Variants in MADD observed in about 807,000 individuals in gnomAD.
The protein encoded by MADD is MAP kinase-activating death domain protein.
A neutral mutation model predicts 176.7 loss-of-function variants in MADD; 109 were observed. The observed-to-expected ratio is 0.62, with a 90% CI of 0.53 to 0.72. The LOEUF (loss-of-function observed/expected upper bound fraction) is 0.72. Among genes scored for constraint, MADD ranks in the 30% least tolerant of loss-of-function variants. MADD has a pLI of 0.00. For synonymous variants in MADD, 771 were observed against 771.3 expected (o/e 1.00, Z 0.01); for missense variants, 1,914 against 2,045.5 (o/e 0.94, Z 1.24).
Position 47,290,018 on chromosome 11 carries a change from G to T in MADD, c.2908G>T (p.Glu970Ter), listed in dbSNP as rs754144467. Residue 970 changes from glutamate to a stop codon, truncating the protein, a stop_gained, in exon 17 of 33, where the codon GAG becomes TAG. Transcript: ENST00000402192. LOFTEE classifies it high-confidence loss of function. The stretch of plus-strand genomic sequence containing the variant: ...CAAGCTGAACCGCATGGTGCAGTCA[G>T]AGGACGATGCCCGGCAGGACATCAT... The T allele has an allele frequency of 1.2e-6, 2 of 1,614,198 alleles. No homozygotes were observed. Among genetic ancestry groups the T allele is most frequent in the Non-Finnish European group, 1.7e-6 (2 of 1,180,032 alleles).
intron 14 of MADD, 92 bp downstream of exon 14, chr11:47,285,682 G>T (rs973600641): frequency 6.4e-7 from 1 of 1,557,548 alleles, no homozygotes; most frequent in Non-Finnish European, 8.8e-7. Context: ...AACTTCACAT[G>T]TAGGGCTAGG....
chr11:47,279,440 A>G (rs2054113007), intron 7 of MADD, among the ~76,000 whole-genome samples: 2 of 137,698 alleles, frequency 1.5e-5, no homozygotes, highest in Non-Finnish European at 3.0e-5. Flanking sequence ...GCTGGAGTGC[A>G]GTGGCGCGAT....
In MADD at chr11:47,289,955, C is replaced by G. The variant is rs894502065; in HGVS notation, c.2845C>G (p.Leu949Val). The change falls in exon 17 of 33, where the codon CTG (leucine) becomes GTG (valine). Residue 949 changes from leucine (L) to valine (V), a missense_variant. By Grantham distance (32) the Leu-to-Val change is conservative (BLOSUM62 1). This residue lies in a region of MADD where 1,767 missense variants were observed against 1,836.0 expected (regional missense o/e 0.96). Coordinates refer to ENST00000402192, the Ensembl canonical transcript of MADD. ...GCTCAACATGAAAAAGGTGCGCCGG[C>G]TGCTGGAGAGCGAGCAGCTGCGAGT... 2.5e-6 allele frequency: 4 copies of G among 1,614,170 alleles called. No individual in the cohort carries two copies. In the East Asian group the frequency reaches 6.7e-5, roughly 27 times the overall value.
At chr11:47,289,814 G>A in intron 16 of MADD, 53 bp from the exon 18 acceptor site, 1 of 1,590,652 alleles carries the variant, frequency 6.3e-7, no homozygotes, top group African/African-American at 1.3e-5. Flanking sequence ...GAAAGGTGGG[G>A]GGTGCTCTGC....
chr11:47,315,590 A>G (rs988534233), intron 27 of MADD, among the ~76,000 whole-genome samples: 2 of 143,624 alleles, frequency 1.4e-5, no homozygotes, highest in African/African-American at 5.2e-5. Flanking sequence ...TTCTCCTGCC[A>G]CAGCCTCCCA....
chr11:47,290,245 A>G (rs779978837), exon 18 of MADD: 1 of 1,614,052 alleles, frequency 6.2e-7, no homozygotes, highest in Non-Finnish European at 8.5e-7. Context: ...TCTGGGTGGC[A>G]TGGCCAGCAT....
At chr11:47,283,179 C>T (rs993436565) in intron 10 of MADD, among the ~76,000 whole-genome samples, 13 of 152,170 alleles carry the variant, frequency 8.5e-5, no homozygotes, top group Middle Eastern at 3.2e-3. Flanking sequence ...CTGCCAGCTC[C>T]GCCTCCCGGC....
At chr11:47,326,519 C>A in intron 30 of MADD, 25 bp from the exon 34 acceptor site, 1 of 1,367,118 alleles carries the variant, frequency 7.3e-7, no homozygotes, top group South Asian at 1.9e-5. Context: ...CTTCATTTCT[C>A]TCCCATGCTT....
At chr11:47,292,383 T>A (rs1298357604) in intron 19 of MADD, 160 bp from the exon 21 acceptor site, 1 of 699,038 alleles carries the variant, frequency 1.4e-6, no homozygotes, top group Non-Finnish European at 2.6e-6. Flanking sequence ...AGATCTCTTG[T>A]TTTCTGCCCC....
At chr11:47,320,881 A>G (rs905760002) in intron 27 of MADD, among the ~76,000 whole-genome samples, 1 of 152,086 alleles carries the variant, frequency 6.6e-6, no homozygotes, top group African/African-American at 2.4e-5. Context: ...TGATTACACC[A>G]CTTCAGTCCA....
chr11:47,295,421 A>C, intron 20 of MADD, 75 bp from the exon 23 acceptor site: 2 of 1,241,744 alleles, frequency 1.6e-6, no homozygotes, highest in Non-Finnish European at 2.4e-6. Context: ...AGGAGAAAGA[A>C]AAAGGTACAG....
chr11:47,312,743 T>C (rs1267684523), intron 26 of MADD, among the ~76,000 whole-genome samples: 1 of 152,210 alleles, frequency 6.6e-6, no homozygotes, highest in Non-Finnish European at 1.5e-5. Context: ...CTTACACTCT[T>C]AGTTTTTTAA....
Position 47,301,637 on chromosome 11 carries a change from C to T in MADD, c.3642+5582C>T, listed in dbSNP as rs186591086. 2.2e-4 allele frequency among the ~76,000 whole-genome samples: 34 copies of T among 152,128 alleles called. No homozygotes were observed. The East Asian group carries it at 6.2e-3, about 28-fold the overall frequency. ...TTTTGGTATGCTGTGTTTTTATGTT[C>T]ATTTGTGTGAAGAAATTTTTAAATT... On this transcript the variant is annotated intron_variant, in intron 22 of 32. Transcript: ENST00000402192.
chr11:47,274,479 T>G, intron 2 of MADD, 84 bp from the exon 3 acceptor site: 518 of 1,119,460 alleles, frequency 4.6e-4, no homozygotes, highest in Non-Finnish European at 6.2e-4. Flanking sequence ...AATAGCATCT[T>G]GAGCTTTATT....
chr11:47,294,669 C>CAAA (rs58253961), intron 20 of MADD, among the ~76,000 whole-genome samples: 39 of 55,908 alleles, frequency 7.0e-4, no homozygotes, highest in East Asian at 9.4e-4. Flanking sequence ...GACTCCGTCT[C>CAAA]AAAAAAAAAA....
At chr11:47,296,744 G>A (rs751338414) in intron 22 of MADD, among the ~76,000 whole-genome samples, 15 of 150,056 alleles carry the variant, frequency 1.0e-4, no homozygotes, top group Non-Finnish European at 1.9e-4. Flanking sequence ...AGTCCTTGCC[G>A]TAGACATCTG....
At chr11:47,312,030 T>C (rs748840369) in intron 26 of MADD, among the ~76,000 whole-genome samples, 188 bp downstream of exon 29, 1 of 152,224 alleles carries the variant, frequency 6.6e-6, no homozygotes, top group Non-Finnish European at 1.5e-5. Flanking sequence ...TTTTGATGTG[T>C]GGTCTGTGAA....
chr11:47,291,101 C>T (rs750555305), intron 19 of MADD, among the ~76,000 whole-genome samples: 13 of 152,098 alleles, frequency 8.5e-5, no homozygotes, highest in South Asian at 2.1e-4. Context: ...CCTGGCCCCT[C>T]CTTTTATTTA....
chr11:47,297,980 G>T (rs1306599951), intron 22 of MADD, among the ~76,000 whole-genome samples: 1 of 151,218 alleles, frequency 6.6e-6, no homozygotes, highest in Non-Finnish European at 1.5e-5. Flanking sequence ...AGGAGAGATG[G>T]GGTTTCACCG....
Sources: gnomAD v4.1 joint callset for allele counts (sites outside exome capture counted in the v4.1 genomes callset) on GRCh38, gnomAD v4.1.1 for gene constraint, gnomAD v4.1.1 regional missense constraint, MANE v1.5 for transcripts, NCBI Gene and HGNC (gene_info 2026-07-23, HGNC 2026-07-21) for gene names.